TBC1D14: variants seen among roughly 807,000 people sequenced by gnomAD.
TBC1D14 encodes the protein TBC1 domain family, member 14.
A neutral mutation model predicts 79.0 loss-of-function variants in TBC1D14; 26 were observed. The observed-to-expected ratio is 0.33, with a 90% CI of 0.24 to 0.46. TBC1D14 has a LOEUF of 0.46. TBC1D14 is among the 20% of genes least tolerant of loss of function. TBC1D14 has a pLI of 1.00. For synonymous variants in TBC1D14, 394 were observed against 349.9 expected, an observed-to-expected ratio of 1.13 and a Z score of -1.40; for missense variants, 769 against 887.6, an observed-to-expected ratio of 0.87 and a Z score of 1.70.
intron 2 of TBC1D14, among the ~76,000 whole-genome samples, chr4:6,933,861 C>G (rs549896026): frequency 6.6e-6 from 1 of 152,106 alleles, no homozygotes; most frequent in Non-Finnish European, 1.5e-5. Context: ...GAGGCTGTTG[C>G]AAGAGTCCAG....
Position 6,998,608 on chromosome 4 carries a change from G to A in TBC1D14, c.1046-477G>A, listed in dbSNP as rs554083537. Among the ~76,000 whole-genome samples, 7 of 151,372 alleles carry A rather than the reference G, an allele frequency of 4.6e-5. No homozygotes were observed. The South Asian group carries it at 1.3e-3, about 27-fold the overall frequency. On this transcript the variant is annotated intron_variant, in intron 5 of 13. Transcript: ENST00000409757. ...GGCTGAAGTGCAGTGGTGCTATCTC[G>A]GCTCACTGCAACCTCTGTCACCTGG...
chr4:6,911,832 G>A (rs963261521), intron 1 of TBC1D14, among the ~76,000 whole-genome samples: 1 of 152,206 alleles, frequency 6.6e-6, no homozygotes, highest in Non-Finnish European at 1.5e-5. Context: ...GATGCCTGCC[G>A]TGCAGGTCGG....
chr4:6,914,050 G>A (rs1012320931), intron 1 of TBC1D14, among the ~76,000 whole-genome samples: 7 of 151,804 alleles, frequency 4.6e-5, no homozygotes, highest in Admixed American at 1.3e-4. Context: ...TGAGGTGGGA[G>A]GCTCACTTGA....
rs1424304409 is a variant in TBC1D14 at position 6,923,430 on chromosome 4, C to T, written c.41C>T (p.Ala14Val). The T allele has an allele frequency of 6.2e-7, 1 of 1,613,984 alleles. No individual in the cohort carries two copies. Among genetic ancestry groups the T allele is most frequent in the Non-Finnish European group, 8.5e-7 (1 of 1,179,924 alleles). ...CTCTCCACCTCTACAAATGGCGTAG[C>T]CTTCATGGGTATTCTGGATGGTCGA... ...GKLSTSTNGV[A>V]FMGILDGRPG... Residue 14 changes from alanine (A) to valine (V), a missense_variant, in exon 2 of 14, where the codon GCC (alanine) becomes GTC (valine). Ala to Val is a moderately conservative substitution (Grantham distance 64). This residue lies in a region of TBC1D14 where 402 missense variants were observed against 393.2 expected (regional missense o/e 1.02). Transcript: ENST00000409757.
chr4:6,992,329 T>C (rs1718584436), intron 3 of TBC1D14, among the ~76,000 whole-genome samples: 1 of 152,146 alleles, frequency 6.6e-6, no homozygotes. Context: ...ACCTGTGGGT[T>C]TGAGTGTATT....
At chr4:7,025,844 A>G (rs1197214668) in intron 13 of TBC1D14, among the ~76,000 whole-genome samples, 1 of 152,130 alleles carries the variant, frequency 6.6e-6, no homozygotes, top group Non-Finnish European at 1.5e-5. Context: ...CCCTCCAGGC[A>G]TCCCTCCTAG....
intron 2 of TBC1D14, among the ~76,000 whole-genome samples, chr4:6,958,300 T>A (rs978078237): frequency 6.6e-6 from 1 of 151,922 alleles, no homozygotes; most frequent in Non-Finnish European, 1.5e-5. Context: ...GGGGGTTATG[T>A]CCCTTGAGCA....
At chr4:6,939,415 T>TC (rs558256040) in intron 2 of TBC1D14, among the ~76,000 whole-genome samples, 29 of 148,520 alleles carry the variant, frequency 2.0e-4, no homozygotes, top group African/African-American at 7.2e-4. Context: ...CCCGACCAGG[T>TC]CCCCCCCAGA....
At chr4:7,027,911 TACAC>T (rs1470549938) in intron 13 of TBC1D14, among the ~76,000 whole-genome samples, 1 of 114,590 alleles carries the variant, frequency 8.7e-6, no homozygotes, top group Non-Finnish European at 1.8e-5. Context: ...ATCACACACA[TACAC>T]AATCACCCCA....
chr4:6,973,890 C>T (rs770140526), intron 3 of TBC1D14, among the ~76,000 whole-genome samples: 7 of 152,250 alleles, frequency 4.6e-5, no homozygotes, highest in Non-Finnish European at 7.4e-5. Flanking sequence ...GTGGCGCAAT[C>T]TTGGCTTACT....
chr4:7,018,861 G>T (rs1413621713), intron 12 of TBC1D14, among the ~76,000 whole-genome samples: 1 of 152,194 alleles, frequency 6.6e-6, no homozygotes, highest in African/African-American at 2.4e-5. Flanking sequence ...TCCCATTGCC[G>T]GCCAGTGGCA....
intron 2 of TBC1D14, among the ~76,000 whole-genome samples, chr4:6,927,129 G>A (rs1164168373): frequency 1.3e-5 from 2 of 152,162 alleles, no homozygotes; most frequent in Admixed American, 6.5e-5. Context: ...GCGCAGGCCC[G>A]GCTTGCATTT....
At chr4:6,993,172 C>T (rs1410254691) in intron 3 of TBC1D14, among the ~76,000 whole-genome samples, 1 of 152,226 alleles carries the variant, frequency 6.6e-6, no homozygotes, top group Non-Finnish European at 1.5e-5. Flanking sequence ...ACACTACCTT[C>T]TTTGTCCTAT....
chr4:6,955,904 C>G (rs552570177), intron 2 of TBC1D14, among the ~76,000 whole-genome samples: 82 of 152,184 alleles, frequency 5.4e-4, no homozygotes, highest in Non-Finnish European at 9.1e-4. Context: ...TTTAGGTGGA[C>G]GAGTCTGGGC....
At chr4:7,000,673 C>T (rs1442543360) in intron 6 of TBC1D14, among the ~76,000 whole-genome samples, 4 of 152,168 alleles carry the variant, frequency 2.6e-5, no homozygotes, top group Admixed American at 6.5e-5. Context: ...CACATCTGGG[C>T]GCTGGGCCTG....
chr4:6,920,128 G>A (rs1723732722), intron 1 of TBC1D14, among the ~76,000 whole-genome samples: 1 of 152,160 alleles, frequency 6.6e-6, no homozygotes, highest in Non-Finnish European at 1.5e-5. Context: ...TGCCCAGGCT[G>A]AATCAAATAT....
At chr4:6,981,101 T>A (rs1005857090) in intron 3 of TBC1D14, among the ~76,000 whole-genome samples, 2 of 150,650 alleles carry the variant, frequency 1.3e-5, no homozygotes, top group African/African-American at 4.9e-5. Context: ...CTCAGCTCAC[T>A]GCAACCTCTG....
chr4:6,966,574 A>C (rs1010641326), intron 2 of TBC1D14, among the ~76,000 whole-genome samples: 5 of 152,244 alleles, frequency 3.3e-5, no homozygotes, highest in African/African-American at 1.2e-4. Context: ...TGAAATTTTA[A>C]TTTGTATAAC....
chr4:7,026,132 G>A (rs1048213796), intron 13 of TBC1D14, among the ~76,000 whole-genome samples: 2 of 148,142 alleles, frequency 1.4e-5, no homozygotes, highest in East Asian at 4.0e-4. Flanking sequence ...TCAGCCCCCC[G>A]AAATGTCTGT....
Sources: allele counts gnomAD v4.1 joint callset (sites outside exome capture counted in the v4.1 genomes callset), GRCh38; gene constraint gnomAD v4.1.1; regional missense constraint gnomAD v4.1.1; transcripts MANE v1.5; gene names NCBI Gene and HGNC (gene_info 2026-07-23, HGNC 2026-07-21).